The following KIF26B variants were observed in gnomAD, a reference collection of about 807,000 sequenced individuals.
KIF26B encodes the protein kinesin family member 26B.
KIF26B carries 63 observed loss-of-function variants against 151.2 expected under a neutral mutation model. The ratio of observed to expected loss-of-function variants is 0.42; its 90% CI spans 0.34 to 0.51. The LOEUF (loss-of-function observed/expected upper bound fraction) is 0.51. Among genes scored for constraint, KIF26B ranks in the 20% least tolerant of loss-of-function variants. The probability of loss-of-function intolerance (pLI) is 0.07; values close to 1 mark genes in which losing one functional copy is unlikely to be tolerated. For missense variants in KIF26B, 2,813 were observed against 2,913.6 expected, an observed-to-expected ratio of 0.97 and a Z score of 0.79; for synonymous variants, 1,357 against 1,262.1, an observed-to-expected ratio of 1.08 and a Z score of -1.59.
intron 10 of KIF26B, among the ~76,000 whole-genome samples, chr1:245,680,586 G>T (rs1218717012): frequency 1.3e-5 from 2 of 152,128 alleles, no homozygotes; most frequent in Non-Finnish European, 2.9e-5. Flanking sequence ...TCTTTGGTCT[G>T]TCTTCCTGGG....
In KIF26B at chr1:245,246,359, C is replaced by T. The variant is rs139758738; in HGVS notation, c.465+89676C>T. The stretch of plus-strand genomic sequence containing the variant: ...GCAATGCTGTTGTCTTCATCATCCT[C>T]GTCTTCAGCAGCATCAACAGCAAGG... On this transcript the variant is annotated intron_variant, in intron 2 of 14. Coordinates refer to ENST00000407071, the MANE Select transcript of KIF26B (RefSeq NM_018012.4). 7.1e-3 allele frequency among the ~76,000 whole-genome samples: 1,081 copies of T among 152,334 alleles called. 14 individuals carry two copies. The highest frequency in any genetic ancestry group is 0.024 in the African/African-American group (1,018 of 41,580).
At chr1:245,605,820 G>T (rs1244962415) in intron 6 of KIF26B, among the ~76,000 whole-genome samples, 1 of 152,126 alleles carries the variant, frequency 6.6e-6, no homozygotes, top group Non-Finnish European at 1.5e-5. Context: ...GCCAGGGGAT[G>T]CCGCCCCAAC....
At position 245,560,025 on chromosome 1, in the gene KIF26B, G is replaced by GT. The variant is rs1450061983; in HGVS notation, c.1350+19082dup. 2.0e-5 allele frequency among the ~76,000 whole-genome samples: 3 copies of GT among 151,904 alleles called. No homozygotes were observed. Among genetic ancestry groups the GT allele is most frequent in the Non-Finnish European group, 2.9e-5 (2 of 67,998 alleles). ...TGCCAGGGATGCTCGTCTCTCATTCGTTTTTTTGGCGTGGAAACACGCTGC... is the reference window on the plus strand; with the variant it reads ...TGCCAGGGATGCTCGTCTCTCATTCGTTTTTTTTGGCGTGGAAACACGCTGC... On this transcript the variant is annotated intron_variant, in intron 5 of 14. Coordinates refer to ENST00000407071, the MANE Select transcript of KIF26B (RefSeq NM_018012.4). The surrounding 1 kb of genome is among the most constrained non-coding windows in gnomAD (Gnocchi z 4.3).
chr1:245,492,841 C>T (rs552079754), intron 4 of KIF26B, among the ~76,000 whole-genome samples: 8 of 152,186 alleles, frequency 5.3e-5, no homozygotes, highest in South Asian at 4.2e-4. Flanking sequence ...AGTGCAGTGG[C>T]GTGATCTTGG....
intron 4 of KIF26B, among the ~76,000 whole-genome samples, chr1:245,492,210 G>T (rs185955486): frequency 6.6e-6 from 1 of 152,176 alleles, no homozygotes; most frequent in South Asian, 2.1e-4. Context: ...GCTGAGCCGC[G>T]TCAGCTCTTT....
Position 245,253,800 on chromosome 1 carries a change from C to CTTTTTTTTTTT in KIF26B, c.465+97134_465+97144dup, listed in dbSNP as rs5782330. The stretch of plus-strand genomic sequence containing the variant: ...CCTGTCTATAGACTTTGAAGTCCTG[C>CTTTTTTTTTTT]TTTTTTTTTTTTTTTTTTTTTTTTT... On this transcript the variant is annotated intron_variant, in intron 2 of 14. Transcript: ENST00000407071. Among the ~76,000 whole-genome samples the CTTTTTTTTTTT allele has an allele frequency of 2.6e-4, 19 of 72,174 alleles. 1 individual carries two copies. The highest frequency in any genetic ancestry group is 1.1e-3 in the African/African-American group (18 of 16,386). The allele number at this position is 72,174 out of a possible 152,430, so 47.3% of individuals were successfully genotyped here. A position where few individuals can be genotyped will look rare whatever the true frequency, so the allele number is the denominator to read the frequency against.
intron 3 of KIF26B, among the ~76,000 whole-genome samples, chr1:245,382,195 C>G (rs892805619): frequency 6.6e-6 from 1 of 152,156 alleles, no homozygotes; most frequent in Non-Finnish European, 1.5e-5. Flanking sequence ...AGAGTGCATA[C>G]GGGTTCCAAT....
chr1:245,426,859 C>A (rs1658661562), intron 4 of KIF26B, among the ~76,000 whole-genome samples: 2 of 152,218 alleles, frequency 1.3e-5, no homozygotes, highest in African/African-American at 4.8e-5. Flanking sequence ...CGCACTCTCG[C>A]TGAGAAGCAA....
In KIF26B at chr1:245,156,290, A is replaced by C. The variant is rs1170973376; in HGVS notation, c.72A>C (p.Glu24Asp). 4 of 1,546,822 alleles carry C rather than the reference A, an allele frequency of 2.6e-6. No individual in the cohort carries two copies. The highest frequency in any genetic ancestry group is 3.5e-6 in the Non-Finnish European group (4 of 1,145,986). ...GCGTGTCTTCCCCGCAGGTGAATGA[A>C]GTCTGCTCGCCCACCAAGCCCGCAG... ...STRGKKYGVN[E>D]VCSPTKPAAP... Residue 24 changes from glutamate (E) to aspartate (D), a missense_variant, in exon 2 of 15, where the codon GAA becomes GAC. Physicochemically the swap from Glu to Asp is conservative, Grantham distance 45. Transcript: ENST00000407071.
chr1:245,257,917 G>A (rs993772958), intron 2 of KIF26B, among the ~76,000 whole-genome samples: 1 of 152,182 alleles, frequency 6.6e-6, no homozygotes, highest in Non-Finnish European at 1.5e-5. Context: ...AGCTACTCGG[G>A]AGGCTGAGGC....
In KIF26B at chr1:245,564,900, C is replaced by T. The variant is rs568434978; in HGVS notation, c.1350+23950C>T. ...CTTCCATGAGAATCTAATGCTGCTG[C>T]TGATCTGACGGGAGGCAGAGTTCAA... On this transcript the variant is annotated intron_variant, in intron 5 of 14. Transcript: ENST00000407071. This position sits in a 1 kb window ranked among gnomAD's most constrained non-coding sequence, Gnocchi z 4.6. Among the ~76,000 whole-genome samples the T allele has an allele frequency of 1.3e-5, 2 of 152,296 alleles. No individual in the cohort carries two copies. Among genetic ancestry groups the T allele is most frequent in the East Asian group, 1.9e-4 (1 of 5,174 alleles).
intron 2 of KIF26B, among the ~76,000 whole-genome samples, chr1:245,349,194 T>C (rs1270094501): frequency 6.6e-6 from 1 of 152,244 alleles, no homozygotes; most frequent in Non-Finnish European, 1.5e-5. Context: ...CATAGACATA[T>C]GTCTTTCAAA....
intron 4 of KIF26B, among the ~76,000 whole-genome samples, chr1:245,500,829 G>T (rs184254053): frequency 1.2e-4 from 18 of 152,316 alleles, no homozygotes; most frequent in Admixed American, 3.3e-4. Context: ...TGTATCTTAC[G>T]CAAGAGCTGC....
chr1:245,612,046 C>G (rs2043529247), intron 9 of KIF26B, 70 bp downstream of exon 9: 1 of 1,300,254 alleles, frequency 7.7e-7, no homozygotes, highest in Admixed American at 1.8e-5. Flanking sequence ...CTTGGGCAAC[C>G]ATGACCTTTG....
intron 2 of KIF26B, among the ~76,000 whole-genome samples, chr1:245,230,065 G>A (rs11585226): frequency 0.51 from 76,899 of 151,198 alleles, 22,901 homozygotes; most frequent in Non-Finnish European, 0.66. Context: ...CCCGGGTGGC[G>A]GAGGTTGCAG....
In KIF26B at chr1:245,495,035, AAAAGAAAAGAAAAGAAAT is replaced by A. The variant is rs1463511929; in HGVS notation, c.1167-45714_1167-45697del. Among the ~76,000 whole-genome samples the A allele has an allele frequency of 2.8e-5, 4 of 144,698 alleles. No individual in the cohort carries two copies. Among genetic ancestry groups the A allele is most frequent in the Admixed American group, 6.7e-5 (1 of 14,966 alleles). The allele number at this position is 144,698 out of a possible 152,430, so 94.9% of individuals were successfully genotyped here. A position where few individuals can be genotyped will look rare whatever the true frequency, so the allele number is the denominator to read the frequency against. On this transcript the variant is annotated intron_variant, in intron 4 of 14. Transcript: ENST00000407071. The surrounding 1 kb of genome is among the most constrained non-coding windows in gnomAD (Gnocchi z 4.2). ...ACAGAGATCCTGTCTCACAAAAGAGAAAAGAAAAGAAAAGAAATAAAGAAAAGAAAAGAAAGAGGAAAT... is the reference window on the plus strand; with the variant it reads ...ACAGAGATCCTGTCTCACAAAAGAGAAAAGAAAAGAAAAGAAAGAGGAAAT...
intron 4 of KIF26B, among the ~76,000 whole-genome samples, chr1:245,537,689 T>C (rs1037157656): frequency 2.2e-4 from 33 of 152,222 alleles, no homozygotes; most frequent in African/African-American, 7.7e-4. Context: ...GAAGAAGTCA[T>C]TGGAAGGATG....
chr1:245,583,472 C>G (rs966878596), intron 5 of KIF26B, among the ~76,000 whole-genome samples: 5 of 152,212 alleles, frequency 3.3e-5, no homozygotes, highest in African/African-American at 1.2e-4. Context: ...AGTTCCCCAC[C>G]CAGATACCCA....
At chr1:245,344,492 CT>C (rs1672403075) in intron 2 of KIF26B, among the ~76,000 whole-genome samples, 1 of 92,202 alleles carries the variant, frequency 1.1e-5, no homozygotes, top group Non-Finnish European at 2.0e-5. Context: ...TAGACTCCGT[CT>C]CAAAAAAAAA....
Sources: allele counts gnomAD v4.1 joint callset (sites outside exome capture counted in the v4.1 genomes callset), GRCh38; gene constraint gnomAD v4.1.1; non-coding constraint Gnocchi (gnomAD v3.1); transcripts MANE v1.5; gene names NCBI Gene and HGNC (gene_info 2026-07-23, HGNC 2026-07-21).